SYNE2: variants seen among roughly 807,000 people sequenced by gnomAD.
SYNE2 encodes nesprin-2.
Under a neutral mutation model 856.3 loss-of-function variants are expected in SYNE2, and 431 were observed. That is an observed-to-expected ratio of 0.50 (90% CI 0.47 to 0.55). The LOEUF is 0.55. Among genes scored for constraint, SYNE2 ranks in the 20% least tolerant of loss-of-function variants. SYNE2 has a pLI of 0.00. For synonymous variants in SYNE2, 2,923 were observed against 2,872.3 expected (o/e 1.02, Z -0.56); for missense variants, 8,129 against 8,023.2 (o/e 1.01, Z -0.50).
At chr14:64,084,799 G>A (rs2097547667) in intron 57 of SYNE2, 1 of 587,738 alleles carries the variant, frequency 1.7e-6, no homozygotes, top group Non-Finnish European at 3.1e-6. Flanking sequence ...GCATGGCTTA[G>A]CTAAGTATCT....
chr14:64,073,909 C>G, intron 52 of SYNE2, 59 bp from the exon 53 acceptor site: 1 of 1,558,602 alleles, frequency 6.4e-7, no homozygotes, highest in Non-Finnish European at 8.8e-7. Flanking sequence ...AAAACTGTTT[C>G]ATTTTATTCA....
At chr14:64,141,883 T>C (rs1364142709) in intron 81 of SYNE2, 59 bp from the exon 82 acceptor site, 6 of 1,592,820 alleles carry the variant, frequency 3.8e-6, no homozygotes, top group African/African-American at 1.3e-5. Flanking sequence ...TCTTTAGTGA[T>C]GCTCTGATTC....
intron 92 of SYNE2, 130 bp from the exon 93 acceptor site, chr14:64,168,747 G>T (rs1241721771): frequency 4.1e-5 from 29 of 699,526 alleles, no homozygotes; most frequent in Non-Finnish European, 6.4e-5. Context: ...TTTGCAGTAG[G>T]TTCAAATAAT....
chr14:63,887,247 T>C lies in SYNE2; in HGVS notation c.-51-21851T>C, dbSNP rs1449018206. 2.0e-5 allele frequency among the ~76,000 whole-genome samples: 3 copies of C among 151,968 alleles called. No individual in the cohort carries two copies. In the East Asian group the frequency reaches 5.8e-4, roughly 29 times the overall value. On this transcript the variant is annotated intron_variant, in intron 1 of 115. Transcript: ENST00000555002. ...AGTGAGCCGAGATCGCACCACTGCA[T>C]TCCAGCTGGGCAACAGAGTGAGACT...
chr14:64,211,973 C>T lies in SYNE2; in HGVS notation c.18736C>T (p.Gln6246Ter). 6.2e-7 allele frequency: 1 copy of T among 1,614,090 alleles called. No individual in the cohort carries two copies. Among genetic ancestry groups the T allele is most frequent in the Non-Finnish European group, 8.5e-7 (1 of 1,180,020 alleles). The change falls in exon 104 of 116, where the codon CAG becomes TAG. Residue 6246 changes from glutamine (Q) to a stop codon, truncating the protein, a stop_gained. Transcript: ENST00000555002. LOFTEE classifies it high-confidence loss of function. ...VLRRLRHFTN[Q>*]REEFEGTRES... ...CCCACTTTTGCAGCATTTCACCAAC[C>T]AGAGGGAAGAATTTGAGGGCACCAG...
intron 1 of SYNE2, among the ~76,000 whole-genome samples, chr14:63,883,216 G>A (rs180909430): frequency 3.9e-5 from 6 of 151,942 alleles, no homozygotes; most frequent in South Asian, 2.1e-4. Context: ...ATGCCACCAC[G>A]CTTGGCTAAT....
In SYNE2 at chr14:64,014,974, TAC is replaced by T. The variant is rs1162341254; in HGVS notation, c.4729-1481_4729-1480del. ...ATATATATATATATATATATATATA[TAC>T]ACACACACACACACACATATATAAA... is the stretch of plus-strand genomic sequence containing the variant. On this transcript the variant is annotated intron_variant, in intron 32 of 115. Transcript: ENST00000555002. Among the ~76,000 whole-genome samples the T allele has an allele frequency of 4.6e-4, 39 of 84,886 alleles. 1 individual carries two copies. The highest frequency in any genetic ancestry group is 3.5e-3 in the South Asian group (8 of 2,280). 55.7% of individuals were successfully genotyped at this position (84,886 alleles called of 152,430 possible). A position where few individuals can be genotyped will look rare whatever the true frequency, so the allele number is the denominator to read the frequency against.
intron 1 of SYNE2, among the ~76,000 whole-genome samples, chr14:63,838,622 C>T (rs895320409): frequency 1.3e-5 from 2 of 151,990 alleles, no homozygotes; most frequent in Non-Finnish European, 1.5e-5. Context: ...TCCAGCAATC[C>T]TCCCAGCCTC....
chr14:64,115,969 C>T (rs928637883), intron 66 of SYNE2, among the ~76,000 whole-genome samples: 11 of 151,862 alleles, frequency 7.2e-5, no homozygotes, highest in Non-Finnish European at 1.3e-4. Context: ...GCCTGGGCAA[C>T]ATAGTTACAC....
intron 1 of SYNE2, among the ~76,000 whole-genome samples, chr14:63,763,319 G>A (rs1289785052): frequency 1.3e-5 from 2 of 152,178 alleles, no homozygotes; most frequent in African/African-American, 2.4e-5. Flanking sequence ...GAAGCCTACT[G>A]TAAAGAAGTA....
chr14:64,021,425 C>T lies in SYNE2; in HGVS notation c.5262C>T (p.Leu1754=), dbSNP rs201757667. 1.1e-5 allele frequency: 17 copies of T among 1,614,036 alleles called. No homozygotes were observed. Among genetic ancestry groups the T allele is most frequent in the African/African-American group, 5.3e-5 (4 of 74,914 alleles). ...GCACTGCTGAGCTAAGGGAGGATCT[C>T]GACCAAGCCAAGACCCAGATCGGGA... ...SGSTAELRED[L]DQAKTQIGMT... Residue 1754 remains leucine (L), a synonymous_variant, in exon 36 of 116, where the codon CTC becomes CTT. Coordinates refer to ENST00000555002, the MANE Select transcript of SYNE2 (RefSeq NM_182914.3).
intron 1 of SYNE2, among the ~76,000 whole-genome samples, chr14:63,857,713 G>C (rs1214255838): frequency 6.6e-6 from 1 of 152,122 alleles, no homozygotes; most frequent in African/African-American, 2.4e-5. Context: ...GATGACTAAT[G>C]ATGTTGAGCA....
At position 63,940,111 on chromosome 14, in the gene SYNE2, C is replaced by T. The variant is rs191860444; in HGVS notation, c.80-503C>T. Among the ~76,000 whole-genome samples the T allele has an allele frequency of 3.0e-3, 418 of 137,460 alleles. 1 individual carries two copies. The Admixed American group carries it at 0.032, about 11-fold the overall frequency. The allele number at this position is 137,460 out of a possible 152,430, so 90.2% of individuals were successfully genotyped here. A position where few individuals can be genotyped will look rare whatever the true frequency, so the allele number is the denominator to read the frequency against. On this transcript the variant is annotated intron_variant, in intron 2 of 115. Transcript: ENST00000555002. The stretch of plus-strand genomic sequence containing the variant: ...TTTCTTTCATGAAACAGAGTCTTGC[C>T]GTGTTGACCAGGCTGCAGTGCAGGG...
chr14:63,891,415 T>A (rs561927381), intron 1 of SYNE2, among the ~76,000 whole-genome samples: 11 of 152,092 alleles, frequency 7.2e-5, no homozygotes, highest in Admixed American at 1.3e-4. Context: ...ACAGGGGTTG[T>A]TAGTAAGGTT....
Position 63,976,559 on chromosome 14 carries a change from T to C in SYNE2, c.1129-4T>C, listed in dbSNP as rs1231962702. 2.4e-5 allele frequency: 37 copies of C among 1,539,026 alleles called. No individual in the cohort carries two copies. Among genetic ancestry groups the C allele is most frequent in the Middle Eastern group, 1.8e-4 (1 of 5,602 alleles). ...TATGTTCTTTTTTTTTTTTTTTTTT[T>C]CAGATTAATGCATGGAAAATAAAGC... On this transcript the variant is annotated splice_region_variant and splice_polypyrimidine_tract_variant and intron_variant, in intron 11 of 115. Coordinates refer to ENST00000555002, the MANE Select transcript of SYNE2 (RefSeq NM_182914.3).
At chr14:64,192,020 A>G (rs2098521023) in intron 99 of SYNE2, among the ~76,000 whole-genome samples, 1 of 152,216 alleles carries the variant, frequency 6.6e-6, no homozygotes, top group Non-Finnish European at 1.5e-5. Flanking sequence ...CATATGAGCC[A>G]GCATTTATGG....
At position 64,144,989 on chromosome 14, in the gene SYNE2, C is replaced by T. The variant is rs551271656; in HGVS notation, c.15483+1041C>T. Among the ~76,000 whole-genome samples, 8 of 146,988 alleles carry T rather than the reference C, an allele frequency of 5.4e-5. No homozygotes were observed. The East Asian group carries it at 1.0e-3, about 19-fold the overall frequency. ...TTGCCCAGGCTGGAGTGCAGTGGCGCGATCTCGGCTCACTGCAACTTCCAC... is the reference window on the plus strand; with the variant it reads ...TTGCCCAGGCTGGAGTGCAGTGGCGTGATCTCGGCTCACTGCAACTTCCAC... On this transcript the variant is annotated intron_variant, in intron 83 of 115. Coordinates refer to ENST00000555002, the MANE Select transcript of SYNE2 (RefSeq NM_182914.3).
rs746327737 is a variant in SYNE2 at position 64,225,571 on chromosome 14, A to G, written c.*45A>G. On this transcript the variant is annotated 3_prime_UTR_variant, in exon 116 of 116. Transcript: ENST00000555002. ...TGCTACACCACCTGCCTGATTGCCAAGGGTGCCCAGCACGTGGCCCCAGAC... is the reference window on the plus strand; with the variant it reads ...TGCTACACCACCTGCCTGATTGCCAGGGGTGCCCAGCACGTGGCCCCAGAC... 6 of 1,597,722 alleles carry G rather than the reference A, an allele frequency of 3.8e-6. No individual in the cohort carries two copies. The African/African-American group carries it at 6.7e-5, about 18-fold the overall frequency.
At chr14:64,167,416 T>G in intron 91 of SYNE2, 29 bp downstream of exon 91, 1 of 1,614,260 alleles carries the variant, frequency 6.2e-7, no homozygotes, top group Non-Finnish European at 8.5e-7. Context: ...TGTCGTTGTT[T>G]CAATTAAGGT....
Sources: gnomAD v4.1 joint callset for allele counts (sites outside exome capture counted in the v4.1 genomes callset) on GRCh38, gnomAD v4.1.1 for gene constraint, MANE v1.5 for transcripts, NCBI Gene and HGNC (gene_info 2026-07-23, HGNC 2026-07-21) for gene names.